The following STAG1 variants were observed in gnomAD, a reference collection of about 807,000 sequenced individuals.
STAG1 encodes STAG1 cohesin complex component.
Under a neutral mutation model 170.9 loss-of-function variants are expected in STAG1, and 26 were observed. The ratio of observed to expected loss-of-function variants is 0.15; its 90% CI spans 0.11 to 0.21. The LOEUF (loss-of-function observed/expected upper bound fraction) is 0.21. STAG1 is among the 10% of genes least tolerant of loss of function. The pLI is 1.00. For missense variants in STAG1, 964 were observed against 1,509.5 expected (o/e 0.64, Z 5.99); for synonymous variants, 514 against 497.7 (o/e 1.03, Z -0.44).
At chr3:136,672,690 C>A (rs575988266) in intron 1 of STAG1, among the ~76,000 whole-genome samples, 2 of 152,142 alleles carry the variant, frequency 1.3e-5, no homozygotes, top group Non-Finnish European at 2.9e-5. Context: ...TTTAACCACT[C>A]CACTCCACCC....
At chr3:136,658,637 A>G (rs1377664968) in intron 1 of STAG1, among the ~76,000 whole-genome samples, 1 of 152,338 alleles carries the variant, frequency 6.6e-6, no homozygotes, top group Middle Eastern at 3.4e-3. Flanking sequence ...GGCTGAACTA[A>G]CCAACTGAAG....
At chr3:136,593,535 C>T (rs1382955838) in intron 4 of STAG1, among the ~76,000 whole-genome samples, 1 of 152,156 alleles carries the variant, frequency 6.6e-6, no homozygotes, top group Non-Finnish European at 1.5e-5. Context: ...TCTAAAATTA[C>T]AATAAAATAT....
chr3:136,346,409 G>C (rs1936223960), intron 29 of STAG1, among the ~76,000 whole-genome samples: 1 of 152,190 alleles, frequency 6.6e-6, no homozygotes, highest in Non-Finnish European at 1.5e-5. Context: ...TCTGAAGGAT[G>C]AAACTCTGCA....
chr3:136,486,999 C>CAAAAAAAAAAAAAAAAAAA (rs536392595), intron 9 of STAG1, among the ~76,000 whole-genome samples: 1 of 54,662 alleles, frequency 1.8e-5, no homozygotes, highest in African/African-American at 9.2e-5. Context: ...TTTATTTCTT[C>CAAAAAAAAAAAAAAAAAAA]AAAAAAAAAA....
At chr3:136,463,523 A>G (rs1289608624) in intron 13 of STAG1, among the ~76,000 whole-genome samples, 2 of 152,064 alleles carry the variant, frequency 1.3e-5, no homozygotes, top group African/African-American at 2.4e-5. Context: ...ACAAAAATCC[A>G]AAACACAAAA....
At chr3:136,576,985 G>A (rs1445149310) in intron 4 of STAG1, among the ~76,000 whole-genome samples, 4 of 152,210 alleles carry the variant, frequency 2.6e-5, no homozygotes, top group African/African-American at 9.6e-5. Context: ...CCTTGCCAAG[G>A]AAATGGAATG....
chr3:136,577,420 G>A (rs971716329), intron 4 of STAG1, among the ~76,000 whole-genome samples: 1 of 152,150 alleles, frequency 6.6e-6, no homozygotes, highest in Non-Finnish European at 1.5e-5. Context: ...CAAAGAATGG[G>A]ATCCAAAAAC....
chr3:136,460,526 C>A (rs2089243630), intron 13 of STAG1, among the ~76,000 whole-genome samples: 1 of 152,078 alleles, frequency 6.6e-6, no homozygotes, highest in South Asian at 2.1e-4. Flanking sequence ...CGCTTGAACC[C>A]AGGAGGTGGA....
intron 13 of STAG1, among the ~76,000 whole-genome samples, chr3:136,454,238 C>T (rs1017588194): frequency 1.3e-5 from 2 of 152,006 alleles, no homozygotes; most frequent in East Asian, 1.9e-4. Context: ...GCCACCATGC[C>T]CAGCTAATTT....
chr3:136,432,987 T>C (rs192983157), intron 16 of STAG1, among the ~76,000 whole-genome samples: 1 of 152,164 alleles, frequency 6.6e-6, no homozygotes, highest in Non-Finnish European at 1.5e-5. Context: ...GTTTTTTTTT[T>C]AATCTTTGGT....
In STAG1 at chr3:136,409,032, G is replaced by A. The variant is rs768696343; in HGVS notation, c.2196+8853C>T. On this transcript the variant is annotated intron_variant, in intron 21 of 33. Coordinates refer to ENST00000383202, the MANE Select transcript of STAG1 (RefSeq NM_005862.3). Reference sequence around the variant, plus strand: ...TGTAATCCCAGCACTTTGGGAGGCCGAGGCGGGTGGATCACAGAGGTCAGG... The same window carrying A: ...TGTAATCCCAGCACTTTGGGAGGCCAAGGCGGGTGGATCACAGAGGTCAGG... Among the ~76,000 whole-genome samples, 15 of 152,198 alleles carry A rather than the reference G, an allele frequency of 9.9e-5. No homozygotes were observed. The East Asian group carries it at 1.7e-3, about 18-fold the overall frequency.
intron 1 of STAG1, 127 bp from the exon 2 acceptor site, chr3:136,631,108 A>G (rs891251386): frequency 2.0e-6 from 1 of 499,976 alleles, no homozygotes; most frequent in African/African-American, 2.0e-5. Context: ...GCTGAAAACC[A>G]ATGTCCACAG....
At chr3:136,650,168 C>G (rs1482806808) in intron 1 of STAG1, among the ~76,000 whole-genome samples, 4 of 149,378 alleles carry the variant, frequency 2.7e-5, no homozygotes, top group Non-Finnish European at 4.4e-5. Flanking sequence ...CCCAGGCAGT[C>G]GAGGCTGCAG....
intron 21 of STAG1, among the ~76,000 whole-genome samples, chr3:136,412,658 T>C (rs1387752238): frequency 6.6e-6 from 1 of 152,116 alleles, no homozygotes; most frequent in Non-Finnish European, 1.5e-5. Context: ...AATTTAAACA[T>C]GCAGATCAGA....
At position 136,420,965 on chromosome 3, in the gene STAG1, A is replaced by T. The variant is rs2087936509; in HGVS notation, c.2108+128T>A. ...TGCCCAATTTTTGTATTTTTTGTACAGACAGGGTTTCGCCAGGCTGGTCTC... is the reference window on the plus strand; with the variant it reads ...TGCCCAATTTTTGTATTTTTTGTACTGACAGGGTTTCGCCAGGCTGGTCTC... On this transcript the variant is annotated intron_variant, in intron 20 of 33. Coordinates refer to ENST00000383202, the MANE Select transcript of STAG1 (RefSeq NM_005862.3). 3 of 527,320 alleles carry T rather than the reference A, an allele frequency of 5.7e-6. No homozygotes were observed. The South Asian group carries it at 9.3e-5, about 16-fold the overall frequency. 32.7% of individuals were successfully genotyped at this position (527,320 alleles called of 1,614,324 possible).
intron 1 of STAG1, among the ~76,000 whole-genome samples, chr3:136,720,582 G>A (rs553795423): frequency 6.6e-6 from 1 of 152,110 alleles, no homozygotes; most frequent in East Asian, 1.9e-4. Context: ...CTGAGGTCAG[G>A]AGTTCAAGTC....
chr3:136,477,096 T>C (rs536849320), intron 10 of STAG1, among the ~76,000 whole-genome samples, 193 bp downstream of exon 10: 12 of 152,328 alleles, frequency 7.9e-5, no homozygotes, highest in African/African-American at 2.6e-4. Flanking sequence ...CTAAACAAGA[T>C]AGGGTCTTCA....
intron 1 of STAG1, among the ~76,000 whole-genome samples, chr3:136,721,239 C>T (rs912110049): frequency 2.0e-5 from 3 of 151,954 alleles, no homozygotes; most frequent in African/African-American, 7.3e-5. Flanking sequence ...TAAAGAGAAA[C>T]GCTCAGAATT....
intron 23 of STAG1, among the ~76,000 whole-genome samples, chr3:136,372,031 T>A (rs937249094): frequency 6.6e-5 from 10 of 152,224 alleles, no homozygotes; most frequent in African/African-American, 2.2e-4. Context: ...TTTTATTTCA[T>A]TGAGCAGTGG....
Sources: gnomAD v4.1 joint callset for allele counts (sites outside exome capture counted in the v4.1 genomes callset) on GRCh38, gnomAD v4.1.1 for gene constraint, MANE v1.5 for transcripts, NCBI Gene and HGNC (gene_info 2026-07-23, HGNC 2026-07-21) for gene names.